The following C13orf46 variants were observed in gnomAD, a reference collection of about 807,000 sequenced individuals.
C13orf46 encodes uncharacterized protein C13orf46.
chr13:113,937,329 G>A, the C13orf46 span, among the ~76,000 whole-genome samples: 21 of 152,182 alleles, frequency 1.4e-4, no homozygotes, highest in African/African-American at 4.3e-4. Context: ...AGTCCACATC[G>A]TGGCCACGTA....
chr13:113,949,333 A>T (rs915490272), downstream of C13orf46, among the ~76,000 whole-genome samples: 1 of 152,198 alleles, frequency 6.6e-6, no homozygotes, highest in East Asian at 1.9e-4. Flanking sequence ...AAGTTCCCCA[A>T]ATCTGCAGTT....
At chr13:113,936,886 C>T in the C13orf46 span, among the ~76,000 whole-genome samples, 1 of 151,676 alleles carries the variant, frequency 6.6e-6, no homozygotes, top group Admixed American at 6.6e-5. Context: ...ACCGTAGTGA[C>T]GTTATCTGCG....
chr13:113,970,639 C>T (rs955913677), intron 1 of C13orf46, among the ~76,000 whole-genome samples: 4 of 152,224 alleles, frequency 2.6e-5, no homozygotes, highest in Admixed American at 1.3e-4. Flanking sequence ...CGGCTACTAC[C>T]CCCAACCCAG....
intron 5 of C13orf46, among the ~76,000 whole-genome samples, chr13:113,967,096 G>T (rs1168222978): frequency 6.6e-6 from 1 of 152,198 alleles, no homozygotes; most frequent in Non-Finnish European, 1.5e-5. Context: ...CCAGGCCCCA[G>T]AGTCTCTGAT....
the C13orf46 span, among the ~76,000 whole-genome samples, chr13:113,936,867 T>G: frequency 6.6e-6 from 1 of 151,556 alleles, no homozygotes; most frequent in African/African-American, 2.4e-5. Flanking sequence ...AAGGCCAGTC[T>G]TAGGTTCCAC....
intron 6 of C13orf46, among the ~76,000 whole-genome samples, chr13:113,962,746 C>T (rs1269286636): frequency 6.6e-6 from 1 of 152,156 alleles, no homozygotes; most frequent in Non-Finnish European, 1.5e-5. Context: ...AGATTTCGAC[C>T]CAGGATTGTC....
intron 5 of C13orf46, among the ~76,000 whole-genome samples, chr13:113,966,264 G>A (rs2052646191): frequency 7.0e-6 from 1 of 142,642 alleles, no homozygotes; most frequent in African/African-American, 2.6e-5. Flanking sequence ...GATGATGATG[G>A]TGACAGTGAT....
the C13orf46 span, among the ~76,000 whole-genome samples, chr13:113,948,121 C>A: frequency 1.3e-5 from 2 of 152,354 alleles, no homozygotes; most frequent in South Asian, 2.1e-4. Flanking sequence ...CCTGCCTGAG[C>A]ACACATTTAT....
At chr13:113,966,951 T>C (rs2052656301) in intron 5 of C13orf46, among the ~76,000 whole-genome samples, 1 of 152,072 alleles carries the variant, frequency 6.6e-6, no homozygotes, top group African/African-American at 2.4e-5. Flanking sequence ...GATGAGTTGT[T>C]TTGAGCATTT....
chr13:113,932,808 C>T, the C13orf46 span, among the ~76,000 whole-genome samples: 1 of 152,072 alleles, frequency 6.6e-6, no homozygotes, highest in African/African-American at 2.4e-5. Context: ...ATGATTTTAT[C>T]TTATCTTCTT....
At chr13:113,927,171 T>C in the C13orf46 span, 1 of 194,646 alleles carries the variant, frequency 5.1e-6, no homozygotes, top group Non-Finnish European at 1.0e-5. Context: ...GGGGGAAGCA[T>C]TGGCCCCAAC....
At chr13:113,969,944 G>A (rs1357648631) in intron 2 of C13orf46, among the ~76,000 whole-genome samples, 1 of 152,152 alleles carries the variant, frequency 6.6e-6, no homozygotes, top group African/African-American at 2.4e-5. Context: ...CCCCGCTACA[G>A]GTGGGTCCTG....
At chr13:113,961,311 G>T (rs1224119239) in intron 6 of C13orf46, among the ~76,000 whole-genome samples, 2 of 151,722 alleles carry the variant, frequency 1.3e-5, no homozygotes, top group Non-Finnish European at 2.9e-5. Flanking sequence ...TATAATATCA[G>T]TCATAATTTT....
At chr13:113,935,027 G>A in the C13orf46 span, among the ~76,000 whole-genome samples, 10 of 152,336 alleles carry the variant, frequency 6.6e-5, no homozygotes, top group East Asian at 1.9e-3. Context: ...CATTCCCACT[G>A]GCTCAAAGGA....
chr13:113,945,539 GAGAAAGAAAGAAAGAAAGAA>G, the C13orf46 span, among the ~76,000 whole-genome samples: 1 of 73,602 alleles, frequency 1.4e-5, no homozygotes. Flanking sequence ...GCGAGAATCT[GAGAAAGAAAGAAAGAAAGAA>G]AGAAAGAAAG....
the C13orf46 span, among the ~76,000 whole-genome samples, chr13:113,929,420 G>A: frequency 6.6e-6 from 1 of 152,266 alleles, no homozygotes; most frequent in Non-Finnish European, 1.5e-5. Flanking sequence ...GGGGCTAAGA[G>A]GAGATGACAG....
rs540334312 is a variant in C13orf46 at position 113,972,782 on chromosome 13, G to C, written c.190+1026C>G. On this transcript the variant is annotated intron_variant, in intron 1 of 6. Transcript: ENST00000636427. ...TGGCAGGGACCCAGGCCCTCACCAG[G>C]GCCTTCTTGCAAACGGGGCGCCTGG... is the stretch of plus-strand genomic sequence containing the variant. Among the ~76,000 whole-genome samples the C allele has an allele frequency of 6.0e-4, 91 of 152,298 alleles. 1 individual carries two copies. In the South Asian group the frequency reaches 0.019, roughly 32 times the overall value.
intron 5 of C13orf46, among the ~76,000 whole-genome samples, chr13:113,966,791 GTGA>G (rs1283173096): frequency 2.5e-4 from 38 of 152,052 alleles, no homozygotes; most frequent in Non-Finnish European, 4.9e-4. Context: ...AGTAATGGTG[GTGA>G]TGATGATGAT....
chr13:113,965,807 TGGTGAA>T (rs1316318406), intron 5 of C13orf46, among the ~76,000 whole-genome samples: 1 of 149,532 alleles, frequency 6.7e-6, no homozygotes, highest in Non-Finnish European at 1.5e-5. Context: ...GTGGTGATGA[TGGTGAA>T]GGTGATGATG....
Sources: gnomAD v4.1 joint callset for allele counts (sites outside exome capture counted in the v4.1 genomes callset) on GRCh38, gnomAD v4.1.1 for gene constraint, MANE v1.5 for transcripts, NCBI Gene and HGNC (gene_info 2026-07-23, HGNC 2026-07-21) for gene names.